The following SLC30A8 variants were observed in gnomAD, a reference collection of about 807,000 sequenced individuals.
The protein encoded by SLC30A8 is proton-coupled zinc antiporter SLC30A8.
Under a neutral mutation model 36.9 loss-of-function variants are expected in SLC30A8, and 27 were observed. That is an observed-to-expected ratio of 0.73 (90% CI 0.54 to 1.01). SLC30A8 has a LOEUF of 1.01. SLC30A8 is among the 50% of genes least tolerant of loss of function. The probability of loss-of-function intolerance (pLI) is 0.00; values close to 1 mark genes in which losing one functional copy is unlikely to be tolerated. For missense variants in SLC30A8, 439 were observed against 452.0 expected (o/e 0.97, Z 0.26); for synonymous variants, 164 against 172.4 (o/e 0.95, Z 0.38).
intron 2 of SLC30A8, among the ~76,000 whole-genome samples, chr8:117,113,735 C>A (rs1319905289): frequency 1.3e-5 from 2 of 152,060 alleles, no homozygotes; most frequent in Non-Finnish European, 2.9e-5. Flanking sequence ...ATGTATTCAA[C>A]CAATTTAATA....
At chr8:117,085,729 T>C (rs1818852523) in intron 2 of SLC30A8, among the ~76,000 whole-genome samples, 2 of 152,168 alleles carry the variant, frequency 1.3e-5, no homozygotes, top group Non-Finnish European at 2.9e-5. Flanking sequence ...TATTATCTTA[T>C]AATGGGGGAA....
intron 1 of SLC30A8, among the ~76,000 whole-genome samples, chr8:117,139,216 G>T (rs1179131530): frequency 6.6e-6 from 1 of 152,086 alleles, no homozygotes; most frequent in Non-Finnish European, 1.5e-5. Context: ...ATATGTTGAA[G>T]CACAAATGCC....
chr8:117,151,035 C>T (rs1822159748), intron 2 of SLC30A8, among the ~76,000 whole-genome samples: 1 of 152,160 alleles, frequency 6.6e-6, no homozygotes, highest in South Asian at 2.1e-4. Context: ...CAGGCGTTTC[C>T]AACCTGCCTT....
intron 1 of SLC30A8, among the ~76,000 whole-genome samples, chr8:116,957,789 T>C (rs1814268350): frequency 6.6e-6 from 1 of 152,200 alleles, no homozygotes; most frequent in Non-Finnish European, 1.5e-5. Context: ...GCTGACATGC[T>C]GATTTTGGGT....
intron 1 of SLC30A8, among the ~76,000 whole-genome samples, chr8:117,030,491 C>T (rs1817010206): frequency 6.6e-6 from 1 of 152,108 alleles, no homozygotes; most frequent in South Asian, 2.1e-4. Flanking sequence ...TTGAGTGAAT[C>T]TAAGGCATGC....
chr8:116,995,069 A>G (rs1014023039), intron 1 of SLC30A8, among the ~76,000 whole-genome samples: 16 of 152,092 alleles, frequency 1.1e-4, no homozygotes, highest in African/African-American at 3.9e-4. Flanking sequence ...TTGTTAATGT[A>G]ATGCGGTGTA....
chr8:116,977,072 C>CTCCCAAAG (rs775235721), intron 1 of SLC30A8, among the ~76,000 whole-genome samples: 87 of 151,298 alleles, frequency 5.8e-4, no homozygotes, highest in Non-Finnish European at 1.2e-3. Flanking sequence ...CTGTCTCAGC[C>CTCCCAAAG]TCCCAAAGTG....
At chr8:117,144,070 T>C (rs752669364) in intron 1 of SLC30A8, among the ~76,000 whole-genome samples, 64 of 152,086 alleles carry the variant, frequency 4.2e-4, no homozygotes, top group African/African-American at 1.3e-3. Flanking sequence ...TCCAGAACAA[T>C]TGGTGAGCCT....
intron 2 of SLC30A8, among the ~76,000 whole-genome samples, chr8:117,079,653 A>T (rs1818601664): frequency 6.6e-6 from 1 of 152,194 alleles, no homozygotes; most frequent in African/African-American, 2.4e-5. Flanking sequence ...CTGGAAAAAG[A>T]TGAAGATATA....
chr8:117,141,149 G>A (rs1200980646), intron 1 of SLC30A8, among the ~76,000 whole-genome samples: 1 of 152,054 alleles, frequency 6.6e-6, no homozygotes, highest in Non-Finnish European at 1.5e-5. Flanking sequence ...AATAGAAGAG[G>A]TGTAAATACA....
chr8:117,007,135 A>G (rs980096760), intron 1 of SLC30A8: 4 of 151,756 alleles, frequency 2.6e-5, no homozygotes, highest in Middle Eastern at 3.4e-3. Context: ...TCTAAAACCT[A>G]TGCTGTAGCA....
chr8:117,007,283 T>A lies in SLC30A8; in HGVS notation c.-265-31936T>A, dbSNP rs552964489. Reference sequence around the variant, plus strand: ...AGAGTATAAATTAAAGTTATTCTTGTTTATGTGTTGCAAAACAGGTTTTGG... The same window carrying A: ...AGAGTATAAATTAAAGTTATTCTTGATTATGTGTTGCAAAACAGGTTTTGG... On this transcript the variant is annotated intron_variant, in intron 1 of 10. Coordinates refer to the SLC30A8 transcript ENST00000427715. Among the ~76,000 whole-genome samples, 3 of 152,282 alleles carry A rather than the reference T, an allele frequency of 2.0e-5. No homozygotes were observed. In the South Asian group the frequency reaches 6.2e-4, roughly 32 times the overall value.
intron 1 of SLC30A8, among the ~76,000 whole-genome samples, chr8:117,031,863 C>T (rs531804841): frequency 2.0e-5 from 3 of 152,284 alleles, no homozygotes; most frequent in African/African-American, 7.2e-5. Context: ...CCGAAGGACT[C>T]TCATTGTTGG....
intron 1 of SLC30A8, among the ~76,000 whole-genome samples, chr8:117,005,409 A>C (rs1563744144): frequency 6.6e-6 from 1 of 152,300 alleles, no homozygotes; most frequent in East Asian, 1.9e-4. Context: ...GTGTTTCATC[A>C]ATTTTTATTG....
intron 1 of SLC30A8, among the ~76,000 whole-genome samples, chr8:117,138,854 G>A (rs1313710399): frequency 6.6e-6 from 1 of 151,990 alleles, no homozygotes; most frequent in African/African-American, 2.4e-5. Context: ...GTGGTGTAAA[G>A]GTACTACTCA....
In SLC30A8 at chr8:117,172,688, C is replaced by T. The variant is rs1359169224; in HGVS notation, c.*7C>T. The T allele has an allele frequency of 1.9e-6, 3 of 1,613,164 alleles. No individual in the cohort carries two copies. Among genetic ancestry groups the T allele is most frequent in the African/African-American group, 1.3e-5 (1 of 74,878 alleles). On this transcript the variant is annotated 3_prime_UTR_variant, in exon 8 of 8. Transcript: ENST00000456015. ...TGAAGACCCCTGTGACTAGCTCAGT[C>T]ACACCGTCAGTTTCCCAAATTTGAC...
chr8:116,977,141 CTTTTTTTT>C (rs71305451), intron 1 of SLC30A8, among the ~76,000 whole-genome samples: 1 of 59,094 alleles, frequency 1.7e-5, no homozygotes, highest in African/African-American at 7.3e-5. Context: ...CTTTTTCTTG[CTTTTTTTT>C]TTTTTTTTTT....
At chr8:117,084,980 C>T (rs533723698) in intron 2 of SLC30A8, among the ~76,000 whole-genome samples, 1 of 152,100 alleles carries the variant, frequency 6.6e-6, no homozygotes, top group East Asian at 1.9e-4. Flanking sequence ...ATAACAAACC[C>T]AAAGAGATTG....
At chr8:117,065,746 C>T (rs1426199722) in intron 2 of SLC30A8, among the ~76,000 whole-genome samples, 1 of 152,074 alleles carries the variant, frequency 6.6e-6, no homozygotes, top group Non-Finnish European at 1.5e-5. Flanking sequence ...CAGGAATTCT[C>T]AATCCAGGAG....
Sources: gnomAD v4.1 joint callset for allele counts (sites outside exome capture counted in the v4.1 genomes callset) on GRCh38, gnomAD v4.1.1 for gene constraint, MANE v1.5 for transcripts, NCBI Gene and HGNC (gene_info 2026-07-23, HGNC 2026-07-21) for gene names.